Variants in CNTN3 observed in about 807,000 individuals in gnomAD.
CNTN3 encodes the protein contactin-3.
Under a neutral mutation model 119.1 loss-of-function variants are expected in CNTN3, and 60 were observed. That is an observed-to-expected ratio of 0.50 (90% CI 0.41 to 0.62). CNTN3 has a LOEUF of 0.62. Among genes scored for constraint, CNTN3 ranks in the 20% least tolerant of loss-of-function variants. The pLI is 0.00. For missense variants in CNTN3, 1,101 were observed against 1,242.4 expected, an observed-to-expected ratio of 0.89 and a Z score of 1.71; for synonymous variants, 450 against 438.7, an observed-to-expected ratio of 1.03 and a Z score of -0.32.
chr3:74,566,372 A>G (rs759083551), intron 1 of CNTN3, among the ~76,000 whole-genome samples: 2 of 152,190 alleles, frequency 1.3e-5, no homozygotes, highest in African/African-American at 4.8e-5. Flanking sequence ...ACAAATTACC[A>G]CAAACCAGGT....
At chr3:74,587,842 G>A (rs917147719) in intron 1 of CNTN3, among the ~76,000 whole-genome samples, 3 of 152,162 alleles carry the variant, frequency 2.0e-5, no homozygotes, top group African/African-American at 7.2e-5. Flanking sequence ...TTGAATAGGA[G>A]GCGTGAGAGA....
intron 11 of CNTN3, 65 bp downstream of exon 11, chr3:74,361,825 T>C (rs939280668): frequency 5.2e-5 from 77 of 1,474,124 alleles, no homozygotes; most frequent in Non-Finnish European, 6.8e-5. Context: ...ATTTAAAACC[T>C]ATGTTGACAT....
chr3:74,449,185 GT>G (rs1361996694), intron 4 of CNTN3, among the ~76,000 whole-genome samples: 1 of 151,822 alleles, frequency 6.6e-6, no homozygotes, highest in East Asian at 1.9e-4. Flanking sequence ...GTAATTTTTT[GT>G]GGCTTCTTAT....
At chr3:74,591,058 T>C (rs1282088921) in intron 1 of CNTN3, among the ~76,000 whole-genome samples, 1 of 152,000 alleles carries the variant, frequency 6.6e-6, no homozygotes, top group Non-Finnish European at 1.5e-5. Context: ...ATGCAAGCAT[T>C]GGCAACCTCA....
chr3:74,491,837 A>C (rs1041032307), intron 3 of CNTN3, among the ~76,000 whole-genome samples: 1 of 152,230 alleles, frequency 6.6e-6, no homozygotes, highest in Admixed American at 6.5e-5. Context: ...TCTAAGTATC[A>C]GAATGAAATC....
chr3:74,472,596 G>T (rs1056159287), intron 4 of CNTN3, among the ~76,000 whole-genome samples: 1 of 152,208 alleles, frequency 6.6e-6, no homozygotes, highest in Non-Finnish European at 1.5e-5. Flanking sequence ...AGAAGTTAGT[G>T]ATAAAATGTT....
At chr3:74,535,772 G>C (rs887990549) in intron 1 of CNTN3, among the ~76,000 whole-genome samples, 1 of 151,886 alleles carries the variant, frequency 6.6e-6, no homozygotes, top group South Asian at 2.1e-4. Flanking sequence ...TATATTTTTT[G>C]ATCTCCCAAT....
chr3:74,460,818 TGC>T (rs1270152925), intron 4 of CNTN3, among the ~76,000 whole-genome samples: 31 of 110,876 alleles, frequency 2.8e-4, no homozygotes, highest in African/African-American at 9.6e-4. Flanking sequence ...TATATATATA[TGC>T]CTTTCATTTC....
chr3:74,295,769 A>G (rs1026136132), intron 18 of CNTN3, among the ~76,000 whole-genome samples: 1 of 152,154 alleles, frequency 6.6e-6, no homozygotes. Context: ...ATCATATAGC[A>G]AGAAGATTCC....
intron 4 of CNTN3, among the ~76,000 whole-genome samples, chr3:74,427,790 C>T (rs1049383313): frequency 1.3e-5 from 2 of 151,752 alleles, no homozygotes; most frequent in African/African-American, 4.8e-5. Context: ...CACAATTGTT[C>T]CAAATAAAAT....
chr3:74,492,929 C>T (rs1378491234), intron 3 of CNTN3, among the ~76,000 whole-genome samples: 2 of 152,080 alleles, frequency 1.3e-5, no homozygotes, highest in East Asian at 3.9e-4. Context: ...CATCAGGCAT[C>T]ATATTTTGTA....
rs1305630351 is a variant in CNTN3 at position 74,285,813 on chromosome 3, A to ATT, written c.2518-323_2518-322insAA. Among the ~76,000 whole-genome samples the ATT allele has an allele frequency of 1.5e-4, 17 of 111,900 alleles. 1 individual carries two copies. Among genetic ancestry groups the ATT allele is most frequent in the African/African-American group, 7.6e-4 (16 of 21,014 alleles). The allele number at this position is 111,900 out of a possible 152,430, so 73.4% of individuals were successfully genotyped here. On this transcript the variant is annotated intron_variant, in intron 19 of 22. Transcript: ENST00000263665. ...GAGATATATATATATATATATATAT[A>ATT]TATATATATATATATATATATATAT...
chr3:74,460,717 G>C (rs1320099602), intron 4 of CNTN3, among the ~76,000 whole-genome samples: 1 of 138,418 alleles, frequency 7.2e-6, no homozygotes, highest in African/African-American at 2.7e-5. Context: ...TCTAAAAGTA[G>C]AGATAATTTT....
chr3:74,268,245 T>C (rs1052702119), intron 20 of CNTN3, among the ~76,000 whole-genome samples: 1 of 152,096 alleles, frequency 6.6e-6, no homozygotes, highest in Non-Finnish European at 1.5e-5. Context: ...TATTTGTCAA[T>C]AGCAACACAG....
Position 74,267,394 on chromosome 3 carries a change from G to A in CNTN3, c.2705-16C>T, listed in dbSNP as rs369060751. 7.5e-5 allele frequency: 116 copies of A among 1,555,380 alleles called. No homozygotes were observed. Among genetic ancestry groups the A allele is most frequent in the Middle Eastern group, 5.0e-4 (3 of 5,944 alleles). On this transcript the variant is annotated splice_polypyrimidine_tract_variant and intron_variant, in intron 20 of 22. Coordinates refer to ENST00000263665, the MANE Select transcript of CNTN3 (RefSeq NM_020872.3). Reference sequence around the variant, plus strand: ...TGACTGGGAGCTTGAAATGCAAAATGAGAAATTTTAAAACAGATCGAAGTA... The same window carrying A: ...TGACTGGGAGCTTGAAATGCAAAATAAGAAATTTTAAAACAGATCGAAGTA...
intron 4 of CNTN3, among the ~76,000 whole-genome samples, chr3:74,448,553 C>A (rs1167155200): frequency 6.6e-6 from 1 of 152,080 alleles, no homozygotes; most frequent in Non-Finnish European, 1.5e-5. Flanking sequence ...ATGACACCTG[C>A]TAACCTGAGG....
At chr3:74,584,951 C>A (rs1029639457) in intron 1 of CNTN3, among the ~76,000 whole-genome samples, 4 of 152,084 alleles carry the variant, frequency 2.6e-5, no homozygotes, top group African/African-American at 9.7e-5. Flanking sequence ...CTCATGATTG[C>A]AAGATGGTTA....
chr3:74,526,025 T>C (rs1703613698), intron 1 of CNTN3, among the ~76,000 whole-genome samples: 1 of 151,900 alleles, frequency 6.6e-6, no homozygotes, highest in South Asian at 2.1e-4. Context: ...TGAGAATGAT[T>C]TGGCAACATT....
chr3:74,358,115 A>G lies in CNTN3; in HGVS notation c.1364+3775T>C, dbSNP rs190073886. On this transcript the variant is annotated intron_variant, in intron 11 of 22. Coordinates refer to ENST00000263665, the MANE Select transcript of CNTN3 (RefSeq NM_020872.3). The stretch of plus-strand genomic sequence containing the variant: ...AATTGCTTCTAGCAGGCTTCTCCCT[A>G]AGCATCAAGGCCCTGGCTCGTCAGT... 6.2e-3 allele frequency among the ~76,000 whole-genome samples: 940 copies of G among 152,306 alleles called. 7 individuals are homozygous for G. The highest frequency in any genetic ancestry group is 0.01 in the Non-Finnish European group (693 of 68,006).
Sources: allele counts gnomAD v4.1 joint callset (sites outside exome capture counted in the v4.1 genomes callset), GRCh38; gene constraint gnomAD v4.1.1; transcripts MANE v1.5; gene names NCBI Gene and HGNC (gene_info 2026-07-23, HGNC 2026-07-21).